Variants in PCDH11X observed in about 807,000 individuals in gnomAD.
PCDH11X encodes the protein protocadherin-11 X-linked.
Under a neutral mutation model 53.3 loss-of-function variants are expected in PCDH11X, and 18 were observed. The ratio of observed to expected loss-of-function variants is 0.34; its 90% CI spans 0.23 to 0.50. The LOEUF (loss-of-function observed/expected upper bound fraction) is 0.50. Ranked by LOEUF, PCDH11X falls within the 20% of genes least tolerant of loss-of-function variation. PCDH11X has a pLI of 0.98. For synonymous variants in PCDH11X, 279 were observed against 393.3 expected (o/e 0.71, Z 3.44); for missense variants, 570 against 1,032.4 (o/e 0.55, Z 6.14).
At chrX:92,086,342 A>G (rs181051955) in intron 6 of PCDH11X, among the ~76,000 whole-genome samples, 2,422 of 111,615 alleles carry the variant, frequency 0.022, 62 homozygotes, top group African/African-American at 0.075. Flanking sequence ...GAAATTACAA[A>G]CATTATGAAT....
At chrX:92,202,796 T>C (rs1004224897) in intron 7 of PCDH11X, among the ~76,000 whole-genome samples, 7 of 111,113 alleles carry the variant, frequency 6.3e-5, no homozygotes, top group East Asian at 2.8e-4. Context: ...CCGAGGAGTG[T>C]GGATCACGAG....
At chrX:91,781,433 C>T (rs1050406301) in intron 1 of PCDH11X, among the ~76,000 whole-genome samples, 1 of 112,447 alleles carries the variant, frequency 8.9e-6, no homozygotes, top group Non-Finnish European at 1.9e-5. Flanking sequence ...GCTGAGCACA[C>T]CTGAGAACAT....
chrX:92,266,616 G>A (rs937658624), intron 8 of PCDH11X, among the ~76,000 whole-genome samples: 1 of 111,964 alleles, frequency 8.9e-6, no homozygotes, highest in Non-Finnish European at 1.9e-5. Flanking sequence ...AGAAGCAAAT[G>A]CCACATGTCA....
chrX:92,460,088 C>T lies in PCDH11X; in HGVS notation c.3344-8211C>T, dbSNP rs1032681121. ...GAGGACCTGAGGGCTCAGATCTTCGCAAATACTGTGGACAATGCCTGCATC... is the reference window on the plus strand; with the variant it reads ...GAGGACCTGAGGGCTCAGATCTTCGTAAATACTGTGGACAATGCCTGCATC... On this transcript the variant is annotated intron_variant, in intron 9 of 10. Coordinates refer to ENST00000682573, the MANE Select transcript of PCDH11X (RefSeq NM_032968.5). 18 of 1,044,341 alleles carry T rather than the reference C, an allele frequency of 1.7e-5. No individual in the cohort carries two copies. The African/African-American group carries it at 3.3e-4, about 19-fold the overall frequency. 86.1% of individuals were successfully genotyped at this position (1,044,341 alleles called of 1,213,427 possible). A position where few individuals can be genotyped will look rare whatever the true frequency, so the allele number is the denominator to read the frequency against.
intron 6 of PCDH11X, among the ~76,000 whole-genome samples, chrX:91,916,640 A>G (rs1331976225): frequency 9.1e-6 from 1 of 110,111 alleles, no homozygotes; most frequent in Non-Finnish European, 1.9e-5. Flanking sequence ...GAAACTCTGG[A>G]CAGACCAACA....
chrX:92,061,678 C>G (rs998939337), intron 6 of PCDH11X, among the ~76,000 whole-genome samples: 1 of 109,866 alleles, frequency 9.1e-6, no homozygotes, highest in Non-Finnish European at 1.9e-5. Context: ...ATGCCAGTAC[C>G]ATGATGTTTT....
chrX:92,120,249 C>T (rs2064731754), intron 6 of PCDH11X, among the ~76,000 whole-genome samples: 2 of 106,006 alleles, frequency 1.9e-5, no homozygotes, highest in African/African-American at 3.4e-5. Context: ...CAACCTCCGC[C>T]TCCTGGGTTC....
chrX:91,839,548 G>T (rs1937437214), intron 5 of PCDH11X, among the ~76,000 whole-genome samples: 2 of 108,457 alleles, frequency 1.8e-5, no homozygotes, highest in Admixed American at 1.0e-4. Context: ...AGGTTGCAGT[G>T]AATCGAGATT....
In PCDH11X at chrX:92,105,504, C is replaced by G. The variant is rs766885742; in HGVS notation, c.3034-95871C>G. 1.8e-3 allele frequency among the ~76,000 whole-genome samples: 195 copies of G among 110,084 alleles called. 1 individual carries two copies. The highest frequency in any genetic ancestry group is 6.2e-3 in the African/African-American group (186 of 30,237). On this transcript the variant is annotated intron_variant, in intron 6 of 10. Coordinates refer to ENST00000682573, the MANE Select transcript of PCDH11X (RefSeq NM_032968.5). ...TGAGCAACATGGCTGTTTATTTCAC[C>G]TGGGTGCAGGCGGGCTGAGTCGGAA...
rs140947875 is a variant in PCDH11X at position 92,270,274 on chromosome X, C to T, written c.3144+7131C>T. Among the ~76,000 whole-genome samples, 1,685 of 109,809 alleles carry T rather than the reference C, an allele frequency of 0.015. 82 individuals carry two copies. The East Asian group carries it at 0.24, about 16-fold the overall frequency. ...GATTACAGGCGCCCACCACCAAGCCCGGCTAGTTGTTTTTTGTGTGTGTGT... is the reference window on the plus strand; with the variant it reads ...GATTACAGGCGCCCACCACCAAGCCTGGCTAGTTGTTTTTTGTGTGTGTGT... On this transcript the variant is annotated intron_variant, in intron 8 of 10. Coordinates refer to ENST00000682573, the MANE Select transcript of PCDH11X (RefSeq NM_032968.5).
intron 8 of PCDH11X, among the ~76,000 whole-genome samples, chrX:92,360,947 TG>T (rs2070331977): frequency 2.9e-5 from 1 of 34,591 alleles, no homozygotes; most frequent in African/African-American, 1.0e-4. Flanking sequence ...TTGGCACCTC[TG>T]GGCAGTATTT....
intron 6 of PCDH11X, among the ~76,000 whole-genome samples, chrX:92,034,953 T>A (rs1258472019): frequency 9.1e-6 from 1 of 110,163 alleles, no homozygotes; most frequent in Non-Finnish European, 1.9e-5. Flanking sequence ...GGCTTGCAAA[T>A]ATCATCTTAT....
chrX:92,097,801 A>C (rs746358054), intron 6 of PCDH11X, among the ~76,000 whole-genome samples: 1 of 110,964 alleles, frequency 9.0e-6, no homozygotes, highest in East Asian at 2.8e-4. Context: ...TTAGACGCTC[A>C]AGTCCCTTAT....
Position 92,054,510 on chromosome X carries a change from T to G in PCDH11X, c.3034-146865T>G, listed in dbSNP as rs2063412830. Among the ~76,000 whole-genome samples, 4 of 111,605 alleles carry G rather than the reference T, an allele frequency of 3.6e-5. No individual in the cohort carries two copies. The Middle Eastern group carries it at 0.014, about 386-fold the overall frequency. On this transcript the variant is annotated intron_variant, in intron 6 of 10. Transcript: ENST00000682573. The stretch of plus-strand genomic sequence containing the variant: ...TTCACCAGAAGTTCAAGGAAGAACT[T>G]CTTGGAATTAAAAAGTAACCATAGT...
intron 8 of PCDH11X, among the ~76,000 whole-genome samples, chrX:92,320,163 T>C (rs2069168292): frequency 8.9e-6 from 1 of 111,732 alleles, no homozygotes; most frequent in Non-Finnish European, 1.9e-5. Context: ...ACTGCTCAGA[T>C]TTGTGTACAG....
chrX:91,879,671 T>C lies in PCDH11X; in HGVS notation c.3033+398T>C, dbSNP rs967337077. The stretch of plus-strand genomic sequence containing the variant: ...CTTTTCAGAATCTGATAAATAGCTC[T>C]AAATACTAATGATATTGAGAAGCCT... On this transcript the variant is annotated intron_variant, in intron 6 of 10. Transcript: ENST00000682573. 1.6e-5 allele frequency: 13 copies of C among 806,534 alleles called. No individual in the cohort carries two copies. In the African/African-American group the frequency reaches 3.2e-4, roughly 20 times the overall value. The allele number at this position is 806,534 out of a possible 1,213,427, so 66.5% of individuals were successfully genotyped here. A position where few individuals can be genotyped will look rare whatever the true frequency, so the allele number is the denominator to read the frequency against.
In PCDH11X at chrX:91,877,488, C is replaced by T; in HGVS notation, c.1248C>T (p.Phe416=). The part of the protein sequence containing the change: ...FRLRPVFSNQ[F]LLETAAYLDY... Reference sequence around the variant, plus strand: ...TAAGGCCAGTATTCAGTAATCAGTTCCTCCTGGAGACTGCAGCATATCTTG... The same window carrying T: ...TAAGGCCAGTATTCAGTAATCAGTTTCTCCTGGAGACTGCAGCATATCTTG... The change falls in exon 6 of 11, where the codon TTC becomes TTT. Residue 416 remains phenylalanine, a synonymous_variant. Transcript: ENST00000682573. 4.1e-6 allele frequency: 5 copies of T among 1,211,419 alleles called. No individual in the cohort carries two copies. The highest frequency in any genetic ancestry group is 5.6e-6 in the Non-Finnish European group (5 of 895,428).
intron 5 of PCDH11X, among the ~76,000 whole-genome samples, chrX:91,874,509 GA>G (rs1939492142): frequency 9.0e-6 from 1 of 110,581 alleles, no homozygotes; most frequent in African/African-American, 3.3e-5. Context: ...TAGCTCTTGT[GA>G]AATTTTTTTT....
chrX:91,952,449 A>G (rs756936018), intron 6 of PCDH11X, among the ~76,000 whole-genome samples: 42 of 111,919 alleles, frequency 3.8e-4, no homozygotes, highest in African/African-American at 1.3e-3. Context: ...AAAAGAAGTT[A>G]CCATTTGTGA....
Sources: allele counts gnomAD v4.1 joint callset (sites outside exome capture counted in the v4.1 genomes callset), GRCh38; gene constraint gnomAD v4.1.1; transcripts MANE v1.5; gene names NCBI Gene and HGNC (gene_info 2026-07-23, HGNC 2026-07-21).